The following KAZN variants were observed in gnomAD, a reference collection of about 807,000 sequenced individuals.
KAZN encodes kazrin, periplakin interacting protein, also known as kazrin.
KAZN carries 40 observed loss-of-function variants against 87.4 expected under a neutral mutation model. That is an observed-to-expected ratio of 0.46 (90% CI 0.36 to 0.60). The LOEUF is 0.60. KAZN is among the 20% of genes least tolerant of loss of function. The pLI is 0.00. For missense variants in KAZN, 898 were observed against 1,073.9 expected (o/e 0.84, Z 2.29); for synonymous variants, 466 against 458.3 (o/e 1.02, Z -0.22).
intron 1 of KAZN, among the ~76,000 whole-genome samples, chr1:14,881,239 T>G (rs759370639): frequency 2.0e-5 from 3 of 152,192 alleles, no homozygotes; most frequent in Non-Finnish European, 4.4e-5. Flanking sequence ...GCAGGGTGTT[T>G]CCAGTTGGAC....
intron 2 of KAZN, among the ~76,000 whole-genome samples, chr1:14,211,255 C>T (rs1453321593): frequency 1.3e-5 from 2 of 152,166 alleles, no homozygotes; most frequent in African/African-American, 4.8e-5. Context: ...TAGTCTTGCT[C>T]TGTCGCCCAG....
At chr1:14,671,136 G>A (rs895549436) in intron 1 of KAZN, among the ~76,000 whole-genome samples, 1 of 152,206 alleles carries the variant, frequency 6.6e-6, no homozygotes, top group African/African-American at 2.4e-5. Flanking sequence ...CTTCCTGGAG[G>A]AGGGGGTACT....
chr1:14,964,683 C>A (rs572165410), intron 2 of KAZN, among the ~76,000 whole-genome samples: 104 of 152,314 alleles, frequency 6.8e-4, no homozygotes, highest in African/African-American at 2.0e-3. Flanking sequence ...TGTTGGGCGA[C>A]GCTTGTTAAC....
intron 1 of KAZN, among the ~76,000 whole-genome samples, chr1:14,640,438 A>T (rs911138884): frequency 6.6e-6 from 1 of 152,182 alleles, no homozygotes; most frequent in Non-Finnish European, 1.5e-5. Context: ...GTCCCAGGGC[A>T]GTGGGTATTC....
chr1:14,296,110 GC>G lies in KAZN; in HGVS notation c.249+115519del, dbSNP rs563561663. 5.5e-4 allele frequency among the ~76,000 whole-genome samples: 84 copies of G among 152,284 alleles called. 1 individual carries two copies. In the Middle Eastern group the frequency reaches 0.01, roughly 18 times the overall value. On this transcript the variant is annotated intron_variant, in intron 2 of 16. Transcript: ENST00000636203. ...GGGACAGCACTGAAAGTAGTGCCAA[GC>G]TTAGAGGACATACCATGTGAGTGTA...
At chr1:15,046,641 A>G (rs1280148113) in intron 4 of KAZN, among the ~76,000 whole-genome samples, 1 of 152,176 alleles carries the variant, frequency 6.6e-6, no homozygotes, top group African/African-American at 2.4e-5. Flanking sequence ...ATGGTTTACT[A>G]AGGGCCAGGC....
chr1:15,074,210 G>A (rs2100603207), intron 8 of KAZN, among the ~76,000 whole-genome samples: 1 of 152,356 alleles, frequency 6.6e-6, no homozygotes, highest in East Asian at 1.9e-4. Context: ...GGTCGGCAAG[G>A]GAGAGGCTGC....
chr1:14,605,988 G>T (rs1256664177), intron 1 of KAZN, among the ~76,000 whole-genome samples: 7 of 152,170 alleles, frequency 4.6e-5, no homozygotes, highest in Admixed American at 2.6e-4. Flanking sequence ...TCTTCATAAT[G>T]ACTTATTGGG....
At chr1:14,216,909 A>G (rs1180066794) in intron 2 of KAZN, among the ~76,000 whole-genome samples, 3 of 152,204 alleles carry the variant, frequency 2.0e-5, no homozygotes, top group Non-Finnish European at 2.9e-5. Context: ...TGTCTCAAAA[A>G]ATAAAAAAAG....
intron 1 of KAZN, among the ~76,000 whole-genome samples, chr1:14,906,689 A>G (rs1302369044): frequency 1.3e-5 from 2 of 151,346 alleles, no homozygotes; most frequent in African/African-American, 4.9e-5. Flanking sequence ...AAAAAATAAC[A>G]TTGTTTCACC....
intron 1 of KAZN, among the ~76,000 whole-genome samples, chr1:14,624,258 T>C (rs1026052057): frequency 1.3e-5 from 2 of 152,042 alleles, no homozygotes; most frequent in African/African-American, 2.4e-5. Flanking sequence ...CTGTCTCTAC[T>C]AAAAATACAA....
intron 2 of KAZN, among the ~76,000 whole-genome samples, chr1:14,984,508 T>C (rs1666577195): frequency 6.6e-6 from 1 of 152,182 alleles, no homozygotes; most frequent in Admixed American, 6.6e-5. Context: ...GTTGGGGCCA[T>C]CATTATGCTC....
chr1:14,393,586 C>T (rs1284804027), intron 2 of KAZN, among the ~76,000 whole-genome samples: 1 of 152,134 alleles, frequency 6.6e-6, no homozygotes, highest in East Asian at 1.9e-4. Flanking sequence ...TTGCTTATTC[C>T]AGGGGACACA....
intron 2 of KAZN, among the ~76,000 whole-genome samples, chr1:14,441,814 A>G (rs1261911584): frequency 6.6e-6 from 1 of 152,218 alleles, no homozygotes; most frequent in Admixed American, 6.5e-5. Context: ...GAAATTGTTG[A>G]AATAAAGCAA....
chr1:14,689,471 C>G (rs1371983604), intron 1 of KAZN, among the ~76,000 whole-genome samples: 1 of 152,160 alleles, frequency 6.6e-6, no homozygotes, highest in African/African-American at 2.4e-5. Flanking sequence ...TCTAGCCCAG[C>G]AAACCTTTAC....
chr1:14,408,137 T>A (rs1458112898), intron 2 of KAZN, among the ~76,000 whole-genome samples: 2 of 152,188 alleles, frequency 1.3e-5, no homozygotes, highest in Non-Finnish European at 2.9e-5. Flanking sequence ...AATCTCTTGA[T>A]TTGGTCATAA....
At chr1:14,344,844 T>C (rs951955385) in intron 2 of KAZN, among the ~76,000 whole-genome samples, 2 of 151,882 alleles carry the variant, frequency 1.3e-5, no homozygotes, top group Admixed American at 1.3e-4. Context: ...TTTTAACTCA[T>C]GTAAATGAGA....
intron 2 of KAZN, among the ~76,000 whole-genome samples, chr1:14,337,064 A>T (rs1190016623): frequency 6.6e-6 from 1 of 152,268 alleles, no homozygotes; most frequent in Non-Finnish European, 1.5e-5. Flanking sequence ...AGTGGGAAAA[A>T]TAACAAACAT....
intron 2 of KAZN, among the ~76,000 whole-genome samples, chr1:14,972,671 C>T (rs898733916): frequency 1.3e-5 from 2 of 152,020 alleles, no homozygotes; most frequent in African/African-American, 2.4e-5. Flanking sequence ...CCTGCCACCA[C>T]GCCCGGCTAA....
Sources: gnomAD v4.1 joint callset for allele counts (sites outside exome capture counted in the v4.1 genomes callset) on GRCh38, gnomAD v4.1.1 for gene constraint, MANE v1.5 for transcripts, NCBI Gene and HGNC (gene_info 2026-07-23, HGNC 2026-07-21) for gene names.